Variants in ADGRA3 observed in about 807,000 individuals in gnomAD.
The protein encoded by ADGRA3 is G-protein coupled receptor 125.
ADGRA3 carries 56 observed loss-of-function variants against 119.8 expected under a neutral mutation model. The observed-to-expected ratio is 0.47, with a 90% CI of 0.38 to 0.58. The LOEUF (loss-of-function observed/expected upper bound fraction) is 0.58. Among genes scored for constraint, ADGRA3 ranks in the 20% least tolerant of loss-of-function variants. The pLI is 0.00. For synonymous variants in ADGRA3, 607 were observed against 623.8 expected, an observed-to-expected ratio of 0.97 and a Z score of 0.40; for missense variants, 1,516 against 1,649.0, an observed-to-expected ratio of 0.92 and a Z score of 1.40.
chr4:22,407,217 G>A (rs1050636979), intron 14 of ADGRA3, among the ~76,000 whole-genome samples: 2 of 152,168 alleles, frequency 1.3e-5, no homozygotes, highest in Non-Finnish European at 2.9e-5. Context: ...CTTGCAGTGA[G>A]CCGAGATCAA....
intron 2 of ADGRA3, among the ~76,000 whole-genome samples, chr4:22,471,854 G>A (rs17533645): frequency 0.095 from 14,485 of 152,086 alleles, 786 homozygotes; most frequent in African/African-American, 0.12. Context: ...CAGCACCTTG[G>A]TATCACCCAA....
intron 4 of ADGRA3, among the ~76,000 whole-genome samples, chr4:22,451,436 A>C (rs1225764616): frequency 6.6e-6 from 1 of 152,100 alleles, no homozygotes; most frequent in Non-Finnish European, 1.5e-5. Flanking sequence ...CCACTGTTAC[A>C]GTGGGACAGA....
At chr4:22,503,635 G>A (rs200775288) in intron 1 of ADGRA3, among the ~76,000 whole-genome samples, 1 of 3,598 alleles carries the variant, frequency 2.8e-4, no homozygotes, top group South Asian at 0.056. Context: ...GGATACATGA[G>A]GAAACTGACA....
At chr4:22,513,416 A>T (rs1424819297) in intron 1 of ADGRA3, among the ~76,000 whole-genome samples, 1 of 151,904 alleles carries the variant, frequency 6.6e-6, no homozygotes, top group Non-Finnish European at 1.5e-5. Context: ...TCCACCTCTC[A>T]AAGTACTAGG....
intron 14 of ADGRA3, among the ~76,000 whole-genome samples, chr4:22,404,759 T>C (rs1193705256): frequency 2.0e-5 from 3 of 152,212 alleles, no homozygotes; most frequent in Non-Finnish European, 4.4e-5. Flanking sequence ...CTGTAATACA[T>C]GGCCTCAAAA....
At chr4:22,397,752 C>A (rs962115906) in intron 16 of ADGRA3, among the ~76,000 whole-genome samples, 1 of 152,090 alleles carries the variant, frequency 6.6e-6, no homozygotes. Context: ...CCTGCACATG[C>A]GCTCTCTTGC....
chr4:22,431,854 T>A (rs1297844800), intron 10 of ADGRA3, among the ~76,000 whole-genome samples: 2 of 152,118 alleles, frequency 1.3e-5, no homozygotes, highest in Non-Finnish European at 2.9e-5. Context: ...ATGTTTGGGG[T>A]CTTTATTTGG....
chr4:22,512,905 C>A, intron 1 of ADGRA3, among the ~76,000 whole-genome samples: 1 of 91,148 alleles, frequency 1.1e-5, no homozygotes, highest in South Asian at 3.0e-4. Flanking sequence ...AGAGGCCACT[C>A]AACAAAAACT....
At chr4:22,432,540 G>A (rs28542982) in intron 10 of ADGRA3, among the ~76,000 whole-genome samples, 2,510 of 152,232 alleles carry the variant, frequency 0.016, 71 homozygotes, top group African/African-American at 0.058. Flanking sequence ...AGTGTAAGGC[G>A]CATATCGCAC....
At chr4:22,464,073 G>A (rs1406709006) in intron 2 of ADGRA3, among the ~76,000 whole-genome samples, 1 of 152,040 alleles carries the variant, frequency 6.6e-6, no homozygotes, top group Non-Finnish European at 1.5e-5. Flanking sequence ...CCCACAATCA[G>A]AGCCAGGTTT....
At chr4:22,413,050 C>G (rs1028690610) in intron 14 of ADGRA3, 132 bp downstream of exon 14, 16 of 677,272 alleles carry the variant, frequency 2.4e-5, no homozygotes, top group Non-Finnish European at 3.5e-5. Flanking sequence ...CTCATATAAT[C>G]AAAGGGAGCA....
At position 22,413,089 on chromosome 4, in the gene ADGRA3, AAAC is replaced by A. The variant is rs1459449079; in HGVS notation, c.2232+90_2232+92del. 2.4e-4 allele frequency: 239 copies of A among 980,946 alleles called. 5 individuals are homozygous for A. Among genetic ancestry groups the A allele is most frequent in the African/African-American group, 3.9e-4 (23 of 59,320 alleles). The allele number at this position is 980,946 out of a possible 1,614,324, so 60.8% of individuals were successfully genotyped here. ...TATGTTAAAAGTAAAAAAAAAAAAA[AAAC>A]AAAAAACAAAAAAACACTTCATTTG... On this transcript the variant is annotated intron_variant, in intron 14 of 18. Coordinates refer to ENST00000334304, the MANE Select transcript of ADGRA3 (RefSeq NM_145290.4).
intron 1 of ADGRA3, among the ~76,000 whole-genome samples, chr4:22,508,069 A>ACGTACCCACCCATACTCGAGG (rs373932849): frequency 4.5e-4 from 68 of 152,316 alleles, no homozygotes; most frequent in African/African-American, 1.6e-3. Context: ...AAGAACAATT[A>ACGTACCCACCCATACTCGAGG]CGTACCCACC....
intron 1 of ADGRA3, among the ~76,000 whole-genome samples, chr4:22,477,171 T>G (rs1359238531): frequency 1.3e-5 from 2 of 152,186 alleles, no homozygotes; most frequent in African/African-American, 2.4e-5. Flanking sequence ...GAGCCACATT[T>G]ATTTATTTAT....
At chr4:22,390,535 G>A (rs770607794) in intron 17 of ADGRA3, among the ~76,000 whole-genome samples, 4 of 150,718 alleles carry the variant, frequency 2.7e-5, no homozygotes, top group Admixed American at 6.7e-5. Context: ...TTCTGCCAAC[G>A]CTGGTACCAC....
chr4:22,448,605 G>C (rs182208389), intron 4 of ADGRA3, among the ~76,000 whole-genome samples: 1 of 152,294 alleles, frequency 6.6e-6, no homozygotes, highest in Admixed American at 6.5e-5. Context: ...AGTGGAGTTG[G>C]AGAAGAGAAC....
chr4:22,390,806 C>T (rs539758390), intron 17 of ADGRA3, among the ~76,000 whole-genome samples: 1 of 152,088 alleles, frequency 6.6e-6, no homozygotes, highest in African/African-American at 2.4e-5. Context: ...CACCAGCTGC[C>T]TTTTCCTTAA....
At chr4:22,492,104 T>C (rs1042015502) in intron 1 of ADGRA3, among the ~76,000 whole-genome samples, 1 of 152,154 alleles carries the variant, frequency 6.6e-6, no homozygotes, top group African/African-American at 2.4e-5. Flanking sequence ...ACACTGCCCA[T>C]GTTACAGCAC....
chr4:22,436,313 A>C lies in ADGRA3; in HGVS notation c.1287+127T>G, dbSNP rs1716389561. The stretch of plus-strand genomic sequence containing the variant: ...ACCTGATCCTGAAGACAGTTAAGTC[A>C]ACTAAAGTAAAAACACAAAATCCTT... On this transcript the variant is annotated intron_variant, in intron 9 of 18. Coordinates refer to ENST00000334304, the MANE Select transcript of ADGRA3 (RefSeq NM_145290.4). The C allele has an allele frequency of 1.0e-5, 7 of 689,610 alleles. No homozygotes were observed. In the South Asian group the frequency reaches 1.4e-4, roughly 14 times the overall value. The allele number at this position is 689,610 out of a possible 1,614,324, so 42.7% of individuals were successfully genotyped here. A position where few individuals can be genotyped will look rare whatever the true frequency, so the allele number is the denominator to read the frequency against.
Sources: gnomAD v4.1 joint callset for allele counts (sites outside exome capture counted in the v4.1 genomes callset) on GRCh38, gnomAD v4.1.1 for gene constraint, MANE v1.5 for transcripts, NCBI Gene and HGNC (gene_info 2026-07-23, HGNC 2026-07-21) for gene names.